KCNS3: variants seen among roughly 807,000 people sequenced by gnomAD.
The protein encoded by KCNS3 is potassium voltage-gated channel modifier subfamily S member 3.
Under a neutral mutation model 31.0 loss-of-function variants are expected in KCNS3, and 13 were observed. That is an observed-to-expected ratio of 0.42 (90% CI 0.27 to 0.67). The LOEUF (loss-of-function observed/expected upper bound fraction) is 0.67. Ranked by LOEUF, KCNS3 falls within the 30% of genes least tolerant of loss-of-function variation. The pLI, the probability that KCNS3 is intolerant of heterozygous loss-of-function variation, is 0.25. For missense variants in KCNS3, 545 were observed against 622.4 expected, an observed-to-expected ratio of 0.88 and a Z score of 1.32; for synonymous variants, 238 against 241.5, an observed-to-expected ratio of 0.99 and a Z score of 0.13.
chr2:17,899,637 G>A (rs116587445), intron 1 of KCNS3, among the ~76,000 whole-genome samples: 1 of 152,230 alleles, frequency 6.6e-6, no homozygotes, highest in Non-Finnish European at 1.5e-5. Context: ...ACTAATAATA[G>A]TATCTATTTA....
rs552802181 is a variant in KCNS3 at position 17,929,932 on chromosome 2, G to A, written c.-59-1018G>A. ...AGGACTGAATGACATAATGTGTAAA[G>A]GCCTCCAGTAGTATCAGGTGGGGAC... On this transcript the variant is annotated intron_variant, in intron 2 of 2. Coordinates refer to ENST00000304101, the MANE Select transcript of KCNS3 (RefSeq NM_002252.5). Among the ~76,000 whole-genome samples, 3 of 152,262 alleles carry A rather than the reference G, an allele frequency of 2.0e-5. No homozygotes were observed. In the South Asian group the frequency reaches 6.2e-4, roughly 32 times the overall value.
At chr2:17,923,358 CTA>C (rs1662765557) in intron 2 of KCNS3, among the ~76,000 whole-genome samples, 2 of 152,086 alleles carry the variant, frequency 1.3e-5, no homozygotes, top group Admixed American at 6.5e-5. Context: ...ATTCTGGATA[CTA>C]TATCCTTATC....
intron 1 of KCNS3, among the ~76,000 whole-genome samples, chr2:17,910,091 A>G (rs900584543): frequency 1.7e-4 from 26 of 152,254 alleles, no homozygotes; most frequent in Non-Finnish European, 1.3e-4. Context: ...TACAGGATGT[A>G]AAGGAATCCA....
chr2:17,903,955 T>A (rs1444948573), intron 1 of KCNS3, among the ~76,000 whole-genome samples: 3 of 152,198 alleles, frequency 2.0e-5, no homozygotes, highest in Non-Finnish European at 4.4e-5. Flanking sequence ...TGATTTATAA[T>A]CCTTTGGGTA....
At chr2:17,881,556 T>C (rs920700124) in intron 1 of KCNS3, among the ~76,000 whole-genome samples, 3 of 152,326 alleles carry the variant, frequency 2.0e-5, no homozygotes, top group East Asian at 1.9e-4. Flanking sequence ...TTCATCCTGA[T>C]GACAATCTTA....
chr2:17,904,823 C>T (rs1662277516), intron 1 of KCNS3, among the ~76,000 whole-genome samples: 3 of 152,118 alleles, frequency 2.0e-5, no homozygotes, highest in South Asian at 2.1e-4. Flanking sequence ...GTCTATATCT[C>T]TGTTTTGGTA....
chr2:17,919,135 C>G (rs1662657135), intron 2 of KCNS3, among the ~76,000 whole-genome samples: 1 of 152,218 alleles, frequency 6.6e-6, no homozygotes, highest in Non-Finnish European at 1.5e-5. Flanking sequence ...CTGAGCAGCT[C>G]TCTGCTTGGA....
At chr2:17,929,898 A>G (rs141319470) in intron 2 of KCNS3, among the ~76,000 whole-genome samples, 26 of 152,276 alleles carry the variant, frequency 1.7e-4, no homozygotes, top group African/African-American at 5.8e-4. Flanking sequence ...GCTACCATAT[A>G]GTGTTGGAAG....
At chr2:17,919,464 A>T (rs1483267385) in intron 2 of KCNS3, 5 of 152,220 alleles carry the variant, frequency 3.3e-5, no homozygotes, top group Admixed American at 6.5e-5. Context: ...GGTCATGCAG[A>T]TAAGAAGAGG....
At chr2:17,919,594 C>T (rs1034228667) in intron 2 of KCNS3, 7 of 152,166 alleles carry the variant, frequency 4.6e-5, no homozygotes, top group African/African-American at 1.7e-4. Context: ...AACATTGAAA[C>T]GTTGCATTCA....
intron 1 of KCNS3, among the ~76,000 whole-genome samples, chr2:17,895,071 T>TA (rs1033846695): frequency 6.6e-6 from 1 of 152,212 alleles, no homozygotes; most frequent in African/African-American, 2.4e-5. Context: ...GCAAAGCGTT[T>TA]AAAAAATCCT....
intron 1 of KCNS3, among the ~76,000 whole-genome samples, chr2:17,912,828 C>G (rs889968494): frequency 1.3e-5 from 2 of 152,176 alleles, no homozygotes; most frequent in African/African-American, 4.8e-5. Flanking sequence ...CTTTAGAAAG[C>G]ACTTACTGGT....
At chr2:17,890,006 ATTC>A (rs1212658454) in intron 1 of KCNS3, among the ~76,000 whole-genome samples, 4 of 152,084 alleles carry the variant, frequency 2.6e-5, no homozygotes, top group Admixed American at 6.5e-5. Flanking sequence ...ATTGGTATCA[ATTC>A]TTCTTTGAAT....
chr2:17,921,299 A>G (rs899819007), intron 2 of KCNS3, among the ~76,000 whole-genome samples: 4 of 152,214 alleles, frequency 2.6e-5, no homozygotes, highest in Non-Finnish European at 4.4e-5. Flanking sequence ...ACTCATAGCC[A>G]TCTTGTATGA....
At chr2:17,887,575 A>G (rs1661705214) in intron 1 of KCNS3, among the ~76,000 whole-genome samples, 1 of 151,732 alleles carries the variant, frequency 6.6e-6, no homozygotes, top group African/African-American at 2.4e-5. Flanking sequence ...CCACTCATTG[A>G]TTGATGGGCA....
intron 1 of KCNS3, among the ~76,000 whole-genome samples, chr2:17,880,450 ATAT>A (rs1178907445): frequency 1.3e-5 from 2 of 152,120 alleles, no homozygotes; most frequent in African/African-American, 4.8e-5. Flanking sequence ...TCTTGTTCTA[ATAT>A]TATGTTTGTC....
chr2:17,890,586 A>G (rs1450753257), intron 1 of KCNS3, among the ~76,000 whole-genome samples: 1 of 152,098 alleles, frequency 6.6e-6, no homozygotes, highest in Admixed American at 6.6e-5. Flanking sequence ...TCCTCTTAAC[A>G]CTGCCTTTGC....
rs148080922 is a variant in KCNS3, at chr2:17,932,486, C to T, written c.*2C>T. 7.9e-5 allele frequency: 126 copies of T among 1,602,486 alleles called. No individual in the cohort carries two copies. The highest frequency in any genetic ancestry group is 4.5e-4 in the East Asian group (20 of 44,834). ...TTGGAGAATTGCACAGCAAAATGAG[C>T]GGGGGTGTTTGTGCCTGTTTCTCTT... On this transcript the variant is annotated 3_prime_UTR_variant, in exon 3 of 3. Coordinates refer to ENST00000304101, the MANE Select transcript of KCNS3 (RefSeq NM_002252.5).
chr2:17,884,282 T>A (rs903282021), intron 1 of KCNS3, among the ~76,000 whole-genome samples: 2 of 131,772 alleles, frequency 1.5e-5, no homozygotes, highest in African/African-American at 2.8e-5. Context: ...TATATATATA[T>A]ATATATATAT....
Sources: allele counts gnomAD v4.1 joint callset (sites outside exome capture counted in the v4.1 genomes callset), GRCh38; gene constraint gnomAD v4.1.1; transcripts MANE v1.5; gene names NCBI Gene and HGNC (gene_info 2026-07-23, HGNC 2026-07-21).